Variants in NDUFV3 observed in about 807,000 individuals in gnomAD.
NDUFV3 encodes NADH dehydrogenase [ubiquinone] flavoprotein 3, mitochondrial.
NDUFV3 carries 44 observed loss-of-function variants against 37.5 expected under a neutral mutation model. The ratio of observed to expected loss-of-function variants is 1.17; its 90% CI spans 0.92 to 1.51. The LOEUF (loss-of-function observed/expected upper bound fraction) is 1.51, where lower values mean the gene tolerates loss of function less well. Ranked by LOEUF, NDUFV3 falls within the 40% of genes most tolerant of loss-of-function variation. NDUFV3 has a pLI of 0.00. For synonymous variants in NDUFV3, 235 were observed against 239.3 expected (o/e 0.98, Z 0.17); for missense variants, 580 against 580.4 (o/e 1.00, Z 0.01).
At chr21:42,900,328 C>T (rs1453372648) in intron 2 of NDUFV3, among the ~76,000 whole-genome samples, 1 of 151,964 alleles carries the variant, frequency 6.6e-6, no homozygotes, top group Admixed American at 6.6e-5. Flanking sequence ...ATGGTGAAAC[C>T]CCTGTCTCTA....
At chr21:42,901,234 TC>T (rs2058716652) in intron 2 of NDUFV3, among the ~76,000 whole-genome samples, 1 of 151,814 alleles carries the variant, frequency 6.6e-6, no homozygotes, top group Non-Finnish European at 1.5e-5. Flanking sequence ...GGTCAGGAGT[TC>T]GAGACCAGCC....
chr21:42,904,749 G>C (rs2058734279), intron 3 of NDUFV3, among the ~76,000 whole-genome samples: 1 of 151,358 alleles, frequency 6.6e-6, no homozygotes, highest in Non-Finnish European at 1.5e-5. Context: ...GCCTCCCAAA[G>C]TGCTGGGATT....
In NDUFV3 at chr21:42,904,183, T is replaced by G; in HGVS notation, c.1171T>G (p.Phe391Val). 1 of 1,614,154 alleles carries G rather than the reference T, an allele frequency of 6.2e-7. No individual in the cohort carries two copies. The change falls in exon 3 of 4, where the codon TTC becomes GTC. Residue 391 changes from phenylalanine (F) to valine (V), a missense_variant. Phe to Val is a conservative substitution (Grantham distance 50). Transcript: ENST00000354250. Reference sequence around the variant, plus strand: ...AGTTCCTGTTGAGAATAACCACGGTTTCCATGAAAAGACAGCAGCGCTGAA... The same window carrying G: ...AGTTCCTGTTGAGAATAACCACGGTGTCCATGAAAAGACAGCAGCGCTGAA... ...ETVPVENNHGFHEKTAALKLE... is the reference protein window; with the variant it reads ...ETVPVENNHGVHEKTAALKLE...
chr21:42,911,590 G>A lies in NDUFV3; in HGVS notation c.*2569G>A, dbSNP rs1394024219. ...CTTTGTAGCTGGGACTGTAGGCACT[G>A]GCCACCATGTCCGCCTAATTTTTCT... On this transcript the variant is annotated 3_prime_UTR_variant, in exon 4 of 4. Transcript: ENST00000354250. 5 of 151,748 alleles carry A rather than the reference G, an allele frequency of 3.3e-5. No homozygotes were observed. The highest frequency in any genetic ancestry group is 5.9e-5 in the Non-Finnish European group (4 of 67,984). The allele number at this position is 151,748 out of a possible 1,614,324, so 9.4% of individuals were successfully genotyped here.
intron 1 of NDUFV3, 85 bp downstream of exon 1, chr21:42,893,466 C>G (rs2058666832): frequency 4.8e-6 from 7 of 1,453,180 alleles, no homozygotes; most frequent in Non-Finnish European, 6.5e-6. Flanking sequence ...CTGGTCAGGT[C>G]CGGGCCTGTC....
Position 42,904,035 on chromosome 21 carries a change from C to T in NDUFV3, c.1023C>T (p.Pro341=). 9.9e-6 allele frequency: 16 copies of T among 1,614,160 alleles called. No individual in the cohort carries two copies. Among genetic ancestry groups the T allele is most frequent in the Non-Finnish European group, 1.4e-5 (16 of 1,180,004 alleles). ...ATCTGGAAAAACCCGTGCCAGAGCC[C>T]CAGCGCAAGGCGGCCCCTCCCCTGC... The part of the protein sequence containing the change: ...EGHLEKPVPE[P]QRKAAPPLPR... Residue 341 remains proline, a synonymous_variant, in exon 3 of 4, where the codon CCC becomes CCT. Transcript: ENST00000354250.
At position 42,893,373 on chromosome 21, in the gene NDUFV3, G is replaced by T. The variant is rs1252549452; in HGVS notation, c.40G>T (p.Ala14Ser). The part of the protein sequence containing the change: ...PCLLRQGRAG[A>S]LKTMLQEAQV... The stretch of plus-strand genomic sequence containing the variant: ...TTTGCTGCGGCAAGGACGAGCCGGG[G>T]CGCTGAAGGTAAAGGAGGAGCCAGC... Residue 14 changes from alanine (A) to serine (S), a missense_variant, in exon 1 of 4, where the codon GCG (alanine) becomes TCG (serine). Ala to Ser is a moderately conservative substitution (Grantham distance 99). Coordinates refer to ENST00000354250, the MANE Select transcript of NDUFV3 (RefSeq NM_021075.4). 6.5e-7 allele frequency: 1 copy of T among 1,537,866 alleles called. No individual in the cohort carries two copies.
chr21:42,903,075 A>G, intron 2 of NDUFV3, 107 bp from the exon 3 acceptor site: 1 of 1,432,572 alleles, frequency 7.0e-7, no homozygotes, highest in East Asian at 2.4e-5. Context: ...GGATGATTGC[A>G]TTGAAGATAC....
chr21:42,909,074 G>T lies in NDUFV3; in HGVS notation c.*53G>T. On this transcript the variant is annotated 3_prime_UTR_variant, in exon 4 of 4. Transcript: ENST00000354250. ...CACCGTCTTCACTGCATCCTGGAGTGCAAAAATAAAATCCACTCAAGAGTC... is the reference window on the plus strand; with the variant it reads ...CACCGTCTTCACTGCATCCTGGAGTTCAAAAATAAAATCCACTCAAGAGTC... 1 of 1,580,676 alleles carries T rather than the reference G, an allele frequency of 6.3e-7. No individual in the cohort carries two copies. The highest frequency in any genetic ancestry group is 2.3e-5 in the East Asian group (1 of 44,146).
intron 1 of NDUFV3, among the ~76,000 whole-genome samples, chr21:42,896,572 C>T (rs2058692292): frequency 6.6e-6 from 1 of 152,024 alleles, no homozygotes; most frequent in South Asian, 2.1e-4. Flanking sequence ...GCCACCGCAC[C>T]TGGCCAATCC....
At chr21:42,894,646 C>T (rs1219109232) in intron 1 of NDUFV3, among the ~76,000 whole-genome samples, 1 of 141,422 alleles carries the variant, frequency 7.1e-6, no homozygotes, top group Non-Finnish European at 1.5e-5. Context: ...GCAACTTCTG[C>T]CCCCTGGGAT....
intron 3 of NDUFV3, among the ~76,000 whole-genome samples, chr21:42,905,708 G>A (rs2058738150): frequency 6.6e-6 from 1 of 151,992 alleles, no homozygotes; most frequent in South Asian, 2.1e-4. Flanking sequence ...TAGAGACAGG[G>A]TTTTACCATG....
Position 42,911,824 on chromosome 21 carries a change from G to A in NDUFV3, c.*2803G>A, listed in dbSNP as rs1263961700. 1 of 152,140 alleles carries A rather than the reference G, an allele frequency of 6.6e-6. No homozygotes were observed. The highest frequency in any genetic ancestry group is 2.4e-5 in the African/African-American group (1 of 41,428). 9.4% of individuals were successfully genotyped at this position (152,140 alleles called of 1,614,324 possible). On this transcript the variant is annotated 3_prime_UTR_variant, in exon 4 of 4. Transcript: ENST00000354250. ...TTTCATTTAATAGTTCTCAAGCTGG[G>A]ATCCGTGGAACTACTGTGATGGGCG... is the stretch of plus-strand genomic sequence containing the variant.
rs2146172457 is a variant in NDUFV3, at chr21:42,912,358, A to G, written c.*3337A>G. ...AAACCGAATAGCCAGCACCAAGCAC[A>G]GCTCTGCATTTTGTAGCTATCACTG... On this transcript the variant is annotated 3_prime_UTR_variant, in exon 4 of 4. Coordinates refer to ENST00000354250, the MANE Select transcript of NDUFV3 (RefSeq NM_021075.4). 1 of 152,402 alleles carries G rather than the reference A, an allele frequency of 6.6e-6. No individual in the cohort carries two copies. Among genetic ancestry groups the G allele is most frequent in the South Asian group, 2.1e-4 (1 of 4,828 alleles). 9.4% of individuals were successfully genotyped at this position (152,402 alleles called of 1,614,324 possible). A position where few individuals can be genotyped will look rare whatever the true frequency, so the allele number is the denominator to read the frequency against.
At chr21:42,895,074 T>C (rs2058684692) in intron 1 of NDUFV3, among the ~76,000 whole-genome samples, 1 of 152,104 alleles carries the variant, frequency 6.6e-6, no homozygotes, top group South Asian at 2.1e-4. Flanking sequence ...GAAAGAAACA[T>C]AGGGCCTGGC....
At chr21:42,906,749 A>T (rs2058743730) in intron 3 of NDUFV3, 1 of 430,334 alleles carries the variant, frequency 2.3e-6, no homozygotes, top group Admixed American at 2.7e-5. Flanking sequence ...CCTTCCAGGT[A>T]GAGTGGTTTT....
chr21:42,908,307 C>CA (rs796636310), intron 3 of NDUFV3, among the ~76,000 whole-genome samples: 5,821 of 140,132 alleles, frequency 0.042, 334 homozygotes, highest in African/African-American at 0.13. Context: ...GACTCCATCT[C>CA]AAAAAAAAAA....
At chr21:42,904,725 A>G (rs1344349352) in intron 3 of NDUFV3, among the ~76,000 whole-genome samples, 2 of 150,860 alleles carry the variant, frequency 1.3e-5, no homozygotes, top group African/African-American at 2.4e-5. Context: ...ACCTCAGGCA[A>G]TTCACCCGCC....
chr21:42,903,538 C>T lies in NDUFV3; in HGVS notation c.526C>T (p.Arg176Ter), dbSNP rs749138681. ...GGCTGACGTTTCAGAGGTCACTCCT[C>T]GAGTGGTGAGCAAAGGCAGAGGGGG... ...DEADVSEVTPRVVSKGRGGLR... is the reference protein window; with the variant it reads ...DEADVSEVTP The change falls in exon 3 of 4, where the codon CGA (arginine) becomes TGA (stop). Residue 176 changes from arginine to a stop codon, truncating the protein, a stop_gained. Transcript: ENST00000354250. LOFTEE classifies it high-confidence loss of function. The T allele has an allele frequency of 1.4e-5, 22 of 1,613,974 alleles. No homozygotes were observed. The highest frequency in any genetic ancestry group is 5.0e-5 in the Admixed American group (3 of 59,994).
Sources: allele counts gnomAD v4.1 joint callset (sites outside exome capture counted in the v4.1 genomes callset), GRCh38; gene constraint gnomAD v4.1.1; transcripts MANE v1.5; gene names NCBI Gene and HGNC (gene_info 2026-07-23, HGNC 2026-07-21).